The following ZRSR2 variants were observed in gnomAD, a reference collection of about 807,000 sequenced individuals.
The protein encoded by ZRSR2 is zinc finger CCCH-type, RNA binding motif and serine/arginine rich 2.
In ZRSR2, 3 loss-of-function variants were observed where a neutral mutation model predicts 39.4. That is an observed-to-expected ratio of 0.08 (90% CI 0.03 to 0.20). The LOEUF (loss-of-function observed/expected upper bound fraction) is 0.20. Ranked by LOEUF, ZRSR2 falls within the 10% of genes least tolerant of loss-of-function variation. The probability of loss-of-function intolerance (pLI) is 1.00; values close to 1 mark genes in which losing one functional copy is unlikely to be tolerated. For synonymous variants in ZRSR2, 137 were observed against 136.0 expected (o/e 1.01, Z -0.05); for missense variants, 256 against 391.5 (o/e 0.65, Z 2.92).
At chrX:15,796,429 A>G (rs942892849) in intron 2 of ZRSR2, among the ~76,000 whole-genome samples, 1 of 112,295 alleles carries the variant, frequency 8.9e-6, no homozygotes, top group Non-Finnish European at 1.9e-5. Context: ...GCTCACTGCA[A>G]TAGCAGCAGG....
chrX:15,800,301 C>T (rs1362068679), intron 3 of ZRSR2, among the ~76,000 whole-genome samples: 10 of 106,729 alleles, frequency 9.4e-5, no homozygotes, highest in African/African-American at 3.4e-4. Context: ...ATTCTCCTGC[C>T]TCAGCCTTCC....
At chrX:15,791,715 G>T (rs1932286679) in intron 2 of ZRSR2, among the ~76,000 whole-genome samples, 1 of 100,435 alleles carries the variant, frequency 1.0e-5, no homozygotes, top group Admixed American at 1.1e-4. Context: ...GGAGTGCAGT[G>T]GCACGATCTT....
Position 15,820,356 on chromosome X carries a change from A to G in ZRSR2, c.937+40A>G, listed in dbSNP as rs752798109. 31 of 1,115,410 alleles carry G rather than the reference A, an allele frequency of 2.8e-5. No homozygotes were observed. In the Middle Eastern group the frequency reaches 7.2e-4, roughly 26 times the overall value. The allele number at this position is 1,115,410 out of a possible 1,213,427, so 91.9% of individuals were successfully genotyped here. A position where few individuals can be genotyped will look rare whatever the true frequency, so the allele number is the denominator to read the frequency against. ...GATGATTTTTTTCCTCAATTGTTCC[A>G]CTGCTATATAAAGGGATATTCTTTG... On this transcript the variant is annotated intron_variant, in intron 10 of 10. Transcript: ENST00000307771.
chrX:15,799,356 G>A (rs1379720666), intron 2 of ZRSR2, among the ~76,000 whole-genome samples: 2 of 110,508 alleles, frequency 1.8e-5, no homozygotes, highest in Non-Finnish European at 3.8e-5. Context: ...TTACAGTGGG[G>A]GTTGCAAAAG....
Position 15,823,140 on chromosome X carries a change from G to GAGCCGCCGC in ZRSR2, c.1353_1361dup (p.Arg452_Arg454dup), listed in dbSNP as rs750594635. On this transcript the variant is annotated inframe_insertion, in exon 11 of 11. Transcript: ENST00000307771. ...GCCGGAGCCGGAGCCGGAGCCGCAG[G>GAGCCGCCGC]AGCCGCCGCAGCCGGAGCCAAAGTT... The GAGCCGCCGC allele has an allele frequency of 1.4e-5, 17 of 1,201,719 alleles. No homozygotes were observed. Among genetic ancestry groups the GAGCCGCCGC allele is most frequent in the Admixed American group, 4.4e-5 (2 of 45,356 alleles).
At chrX:15,812,704 G>A (rs987560375) in intron 7 of ZRSR2, among the ~76,000 whole-genome samples, 2 of 112,130 alleles carry the variant, frequency 1.8e-5, no homozygotes, top group African/African-American at 6.5e-5. Context: ...TTTAAAGAAG[G>A]TTCGTGATCT....
At position 15,803,778 on chromosome X, in the gene ZRSR2, A is replaced by C. The variant is rs1210483379; in HGVS notation, c.294A>C (p.Lys98Asn). 1 of 1,191,015 alleles carries C rather than the reference A, an allele frequency of 8.4e-7. No homozygotes were observed. Among genetic ancestry groups the C allele is most frequent in the Non-Finnish European group, 1.1e-6 (1 of 885,249 alleles). ...AGGAAAAGGAAGAGGCGGCTAAAAA[A>C]CGGCAAGAAGAACAAGAGGTATGGT... ...IKKEKEEAAK[K>N]RQEEQERKLK... The change falls in exon 4 of 11, where the codon AAA becomes AAC. Residue 98 changes from lysine (K) to asparagine (N), a missense_variant. Around this residue, in one of 3 missense-constraint regions of ZRSR2, gnomAD observed 87 missense variants for 111.7 expected, o/e 0.78. Coordinates refer to ENST00000307771, the MANE Select transcript of ZRSR2 (RefSeq NM_005089.4).
chrX:15,808,500 T>G (rs1462396235), intron 6 of ZRSR2, among the ~76,000 whole-genome samples: 1 of 111,901 alleles, frequency 8.9e-6, no homozygotes, highest in African/African-American at 3.2e-5. Flanking sequence ...CCTTACAGTA[T>G]GTTTAAGCAA....
chrX:15,814,323 C>G (rs1932929607), intron 7 of ZRSR2, among the ~76,000 whole-genome samples: 1 of 111,808 alleles, frequency 8.9e-6, no homozygotes, highest in Admixed American at 9.5e-5. Flanking sequence ...TGGTTGGCCA[C>G]CTTCATTAAA....
At chrX:15,804,529 A>C (rs1192463933) in intron 5 of ZRSR2, among the ~76,000 whole-genome samples, 1 of 111,838 alleles carries the variant, frequency 8.9e-6, no homozygotes, top group African/African-American at 3.2e-5. Context: ...GTGTACCCTG[A>C]AAGCAGCCAT....
chrX:15,790,991 A>G lies in ZRSR2; in HGVS notation c.99A>G (p.Glu33=), dbSNP rs1439175665. Residue 33 remains glutamate, a synonymous_variant, in exon 2 of 11, where the codon GAA becomes GAG. Transcript: ENST00000307771. Reference sequence around the variant, plus strand: ...AGAAACGAAAGAAACGTCGGCAGGAACTTGCTCGACTGAGAGACTCAGGTG... The same window carrying G: ...AGAAACGAAAGAAACGTCGGCAGGAGCTTGCTCGACTGAGAGACTCAGGTG... ...KKEKRKKRRQ[E]LARLRDSGLS... 8.3e-7 allele frequency: 1 copy of G among 1,209,932 alleles called. No homozygotes were observed. The highest frequency in any genetic ancestry group is 1.1e-6 in the Non-Finnish European group (1 of 894,093).
chrX:15,814,498 G>A (rs1277797231), intron 7 of ZRSR2, among the ~76,000 whole-genome samples: 1 of 111,705 alleles, frequency 9.0e-6, no homozygotes, highest in Non-Finnish European at 1.9e-5. Flanking sequence ...GGTGGCATAC[G>A]CCTATGGCAT....
chrX:15,802,063 AC>A (rs1932690053), intron 3 of ZRSR2, among the ~76,000 whole-genome samples: 1 of 111,992 alleles, frequency 8.9e-6, no homozygotes, highest in African/African-American at 3.2e-5. Flanking sequence ...TCTATATGGT[AC>A]CCTCACACAT....
intron 7 of ZRSR2, among the ~76,000 whole-genome samples, chrX:15,814,303 T>C (rs1010117942): frequency 2.7e-5 from 3 of 111,597 alleles, no homozygotes; most frequent in Admixed American, 9.6e-5. Context: ...AATAAAATTG[T>C]TCTTCATAAT....
chrX:15,817,764 T>G (rs1026267643), intron 8 of ZRSR2, among the ~76,000 whole-genome samples: 3 of 111,461 alleles, frequency 2.7e-5, no homozygotes, highest in Non-Finnish European at 5.7e-5. Flanking sequence ...TTAAGAATGC[T>G]GACTGCGGTA....
intron 2 of ZRSR2, among the ~76,000 whole-genome samples, chrX:15,794,753 G>A (rs760549838): frequency 2.6e-4 from 29 of 111,996 alleles, no homozygotes; most frequent in African/African-American, 9.1e-4. Context: ...ATTTCTGTCT[G>A]ACATTTTTGC....
intron 1 of ZRSR2, 25 bp from the exon 2 acceptor site, chrX:15,790,909 T>C (rs762883452): frequency 1.7e-6 from 2 of 1,191,450 alleles, no homozygotes; most frequent in Non-Finnish European, 2.3e-6. Context: ...CCGCTGATCG[T>C]CGTGTATATG....
chrX:15,818,896 G>T (rs1316082901), intron 9 of ZRSR2, among the ~76,000 whole-genome samples: 2 of 109,174 alleles, frequency 1.8e-5, no homozygotes, highest in African/African-American at 6.6e-5. Context: ...TCAGCCTCCT[G>T]AGTAGCTGGG....
In ZRSR2 at chrX:15,809,447, C is replaced by G. The variant is rs1601819537; in HGVS notation, c.557+129C>G. On this transcript the variant is annotated intron_variant, in intron 7 of 10. Transcript: ENST00000307771. ...TCATCAGACATCTGCTGCCTTCTTGCTGCTGCTCTCGTTTTCCCAGCTGAT... is the reference window on the plus strand; with the variant it reads ...TCATCAGACATCTGCTGCCTTCTTGGTGCTGCTCTCGTTTTCCCAGCTGAT... The G allele has an allele frequency of 1.0e-5, 5 of 496,444 alleles. No homozygotes were observed. In the East Asian group the frequency reaches 1.8e-4, roughly 18 times the overall value. The allele number at this position is 496,444 out of a possible 1,213,427, so 40.9% of individuals were successfully genotyped here.
Sources: allele counts gnomAD v4.1 joint callset (sites outside exome capture counted in the v4.1 genomes callset), GRCh38; gene constraint gnomAD v4.1.1; regional missense constraint gnomAD v4.1.1; transcripts MANE v1.5; gene names NCBI Gene and HGNC (gene_info 2026-07-23, HGNC 2026-07-21).